ITGB1: variants seen among roughly 807,000 people sequenced by gnomAD.
The protein encoded by ITGB1 is integrin subunit beta 1.
A neutral mutation model predicts 86.5 loss-of-function variants in ITGB1; 24 were observed. The ratio of observed to expected loss-of-function variants is 0.28; its 90% CI spans 0.20 to 0.39. ITGB1 has a LOEUF of 0.39. Among genes scored for constraint, ITGB1 ranks in the 10% least tolerant of loss-of-function variants. The probability of loss-of-function intolerance (pLI) is 1.00; values close to 1 mark genes in which losing one functional copy is unlikely to be tolerated. For missense variants in ITGB1, 556 were observed against 946.9 expected (o/e 0.59, Z 5.42); for synonymous variants, 323 against 316.8 (o/e 1.02, Z -0.21).
chr10:32,937,173 T>A (rs2095004728), intron 1 of ITGB1, among the ~76,000 whole-genome samples: 1 of 152,078 alleles, frequency 6.6e-6, no homozygotes, highest in Non-Finnish European at 1.5e-5. Flanking sequence ...AGAGCAAAAA[T>A]GTAAATATCC....
intron 15 of ITGB1, among the ~76,000 whole-genome samples, chr10:32,901,896 A>G (rs2094882873): frequency 6.6e-6 from 1 of 152,182 alleles, no homozygotes; most frequent in African/African-American, 2.4e-5. Flanking sequence ...TGGAGGCTTG[A>G]TTTAAGAATG....
intron 6 of ITGB1, among the ~76,000 whole-genome samples, chr10:32,924,809 T>C (rs1207872735): frequency 6.6e-6 from 1 of 152,226 alleles, no homozygotes; most frequent in Admixed American, 6.5e-5. Flanking sequence ...AAGTCGAAAG[T>C]AATAACAATA....
At chr10:32,907,099 A>T (rs2094898672) in intron 15 of ITGB1, 2 of 1,359,814 alleles carry the variant, frequency 1.5e-6, no homozygotes, top group Non-Finnish European at 2.0e-6. Flanking sequence ...CGTAGTTTGG[A>T]TTCTTGAAAT....
At chr10:32,902,134 G>C (rs2094883596) in intron 15 of ITGB1, among the ~76,000 whole-genome samples, 1 of 152,148 alleles carries the variant, frequency 6.6e-6, no homozygotes. Flanking sequence ...TAGAGAGTAA[G>C]GCTGTCATTG....
rs767111928 is a variant in ITGB1, at chr10:32,910,234, A to T, written c.2153T>A (p.Val718Glu). 16 of 1,602,614 alleles carry T rather than the reference A, an allele frequency of 1.0e-5. No homozygotes were observed. ...NGNNEVMVHV[V>E]ENPECPTGPD... ...CATCGCATTTCTACCTGGATTCTCC[A>T]CAACATGAACCATGACCTCGTTGTT... The change falls in exon 14 of 16, where the codon GTG becomes GAG. Residue 718 changes from valine (V) to glutamate (E), a missense_variant. Val to Glu is a moderately radical substitution (Grantham distance 121). Transcript: ENST00000302278.
Position 32,944,774 on chromosome 10 carries a change from C to A in ITGB1, c.1-9216G>T, listed in dbSNP as rs574699974. ...ACAATGCCTTACTGCTCGCTAGATT[C>A]ATCCTGCCAGTGGCTGAGTCTACAA... On this transcript the variant is annotated intron_variant, in intron 1 of 15. Transcript: ENST00000302278. 4.4e-5 allele frequency: 32 copies of A among 735,342 alleles called. 1 individual carries two copies. Among genetic ancestry groups the A allele is most frequent in the Non-Finnish European group, 7.5e-6 (3 of 397,400 alleles). 45.6% of individuals were successfully genotyped at this position (735,342 alleles called of 1,614,324 possible). A position where few individuals can be genotyped will look rare whatever the true frequency, so the allele number is the denominator to read the frequency against.
At chr10:32,925,609 G>A (rs1294374600) in intron 6 of ITGB1, among the ~76,000 whole-genome samples, 8 of 152,120 alleles carry the variant, frequency 5.3e-5, no homozygotes, top group African/African-American at 1.9e-4. Context: ...AGGTTGCCCC[G>A]CTGTTTCAAA....
At chr10:32,943,487 G>A (rs2095023859) in intron 1 of ITGB1, among the ~76,000 whole-genome samples, 1 of 151,620 alleles carries the variant, frequency 6.6e-6, no homozygotes, top group African/African-American at 2.4e-5. Context: ...GAAAGGTGGG[G>A]GTGGGGGGCA....
At chr10:32,911,374 G>A (rs958324350) in intron 13 of ITGB1, 74 bp downstream of exon 13, 4 of 1,277,114 alleles carry the variant, frequency 3.1e-6, no homozygotes, top group Middle Eastern at 2.6e-4. Context: ...CACTGTTCTG[G>A]TTCTAGAAAC....
At chr10:32,942,203 C>T (rs1324510801) in intron 1 of ITGB1, among the ~76,000 whole-genome samples, 1 of 152,130 alleles carries the variant, frequency 6.6e-6, no homozygotes, top group African/African-American at 2.4e-5. Flanking sequence ...GGTGGATCAC[C>T]CTAAACAGAG....
rs1565819351 is a variant in ITGB1, at chr10:32,910,421, C to T, written c.1966G>A (p.Glu656Lys). 6.3e-7 allele frequency: 1 copy of T among 1,598,128 alleles called. No individual in the cohort carries two copies. The highest frequency in any genetic ancestry group is 8.6e-7 in the Non-Finnish European group (1 of 1,168,814). The change falls in exon 14 of 16, where the codon GAA becomes AAA. Residue 656 changes from glutamate (E) to lysine (K), a missense_variant. Transcript: ENST00000302278. Reference protein sequence around the residue: ...CVQCRAFNKGEKKDTCTQECS... With the variant: ...CVQCRAFNKGKKKDTCTQECS... ...TCCTGTGTGCATGTGTCTTTCTTTT[C>T]TCCTTTATTGAAGGCTCTGCACTGA...
intron 3 of ITGB1, 116 bp from the exon 4 acceptor site, chr10:32,930,160 C>A (rs2094978743): frequency 8.0e-6 from 5 of 628,148 alleles, no homozygotes; most frequent in African/African-American, 7.4e-5. Context: ...CTAATGTACC[C>A]CAATTCTGGC....
Position 32,958,181 on chromosome 10 carries a change from C to A in ITGB1, c.-37G>T, listed in dbSNP as rs1176297396. 2 of 151,340 alleles carry A rather than the reference C, an allele frequency of 1.3e-5. No individual in the cohort carries two copies. The highest frequency in any genetic ancestry group is 4.8e-5 in the African/African-American group (2 of 41,250). The allele number at this position is 151,340 out of a possible 1,614,324, so 9.4% of individuals were successfully genotyped here. On this transcript the variant is annotated 5_prime_UTR_variant, in exon 1 of 16. Coordinates refer to ENST00000302278, the MANE Select transcript of ITGB1 (RefSeq NM_002211.4). ...GGCGTCCGGGGCCCGGCGCGGTGGG[C>A]TCGGGCCTGCTGTTCCGCGACTCCC...
intron 11 of ITGB1, among the ~76,000 whole-genome samples, chr10:32,916,197 C>G (rs988540828): frequency 1.3e-5 from 2 of 152,168 alleles, no homozygotes; most frequent in Non-Finnish European, 2.9e-5. Flanking sequence ...AACCCACAGC[C>G]AATATCATAC....
intron 15 of ITGB1, among the ~76,000 whole-genome samples, chr10:32,904,607 C>T (rs1171701011): frequency 6.6e-6 from 1 of 152,194 alleles, no homozygotes; most frequent in Non-Finnish European, 1.5e-5. Context: ...TCAAAAATTT[C>T]AATGACATAA....
rs1448921118 is a variant in ITGB1 at position 32,901,411 on chromosome 10, T to C, written c.*159A>G. The stretch of plus-strand genomic sequence containing the variant: ...GTCCCTGGCATGAATTACAACATTA[T>C]TTTCAAAATAATAAAACATTTTAAA... On this transcript the variant is annotated 3_prime_UTR_variant, in exon 16 of 16. Coordinates refer to ENST00000302278, the MANE Select transcript of ITGB1 (RefSeq NM_002211.4). The C allele has an allele frequency of 5.8e-6, 3 of 519,206 alleles. No individual in the cohort carries two copies. In the African/African-American group the frequency reaches 6.0e-5, roughly 10 times the overall value. 32.2% of individuals were successfully genotyped at this position (519,206 alleles called of 1,614,324 possible). A position where few individuals can be genotyped will look rare whatever the true frequency, so the allele number is the denominator to read the frequency against.
At chr10:32,951,064 G>A (rs1249045734) in intron 1 of ITGB1, among the ~76,000 whole-genome samples, 4 of 152,080 alleles carry the variant, frequency 2.6e-5, no homozygotes, top group Non-Finnish European at 5.9e-5. Flanking sequence ...GGTAAAGCCT[G>A]GAAACTTAAC....
rs1271655759 is a variant in ITGB1, at chr10:32,958,071, T to A, written c.-1+74A>T. On this transcript the variant is annotated intron_variant, in intron 1 of 15. Transcript: ENST00000302278. ...GTCCCGGCGCGGCCCGGCCGGCGGC[T>A]TTAAGTGCTGCCGCGCACAGGAGAC... 5.0e-5 allele frequency: 7 copies of A among 139,846 alleles called. No homozygotes were observed. The East Asian group carries it at 1.5e-3, about 30-fold the overall frequency. The allele number at this position is 139,846 out of a possible 1,614,324, so 8.7% of individuals were successfully genotyped here.
At chr10:32,948,779 C>T (rs1347084703) in intron 1 of ITGB1, among the ~76,000 whole-genome samples, 1 of 152,048 alleles carries the variant, frequency 6.6e-6, no homozygotes, top group Non-Finnish European at 1.5e-5. Flanking sequence ...ACTTCCCAGC[C>T]CCCAGAACCC....
Sources: gnomAD v4.1 joint callset for allele counts (sites outside exome capture counted in the v4.1 genomes callset) on GRCh38, gnomAD v4.1.1 for gene constraint, MANE v1.5 for transcripts, NCBI Gene and HGNC (gene_info 2026-07-23, HGNC 2026-07-21) for gene names.